The following PTTG1IP variants were observed in gnomAD, a reference collection of about 807,000 sequenced individuals.
PTTG1IP encodes the protein pituitary tumor-transforming gene 1 protein-interacting protein.
In PTTG1IP, 16 loss-of-function variants were observed where a neutral mutation model predicts 24.4. The ratio of observed to expected loss-of-function variants is 0.66; its 90% confidence interval spans 0.44 to 1.00. The LOEUF is 1.00. PTTG1IP is among the 50% of genes least tolerant of loss of function. The probability of loss-of-function intolerance (pLI) is 0.00; values close to 1 mark genes in which losing one functional copy is unlikely to be tolerated. For missense variants in PTTG1IP, 241 were observed against 245.8 expected, an observed-to-expected ratio of 0.98 and a Z score of 0.13; for synonymous variants, 89 against 96.8, an observed-to-expected ratio of 0.92 and a Z score of 0.47.
intron 2 of PTTG1IP, 123 bp downstream of exon 2, chr21:44,865,272 C>T: frequency 1.1e-6 from 1 of 942,978 alleles, no homozygotes; most frequent in Non-Finnish European, 1.7e-6. Flanking sequence ...CAAAAAACAT[C>T]CCCCCAAATC....
chr21:44,855,062 C>T, intron 5 of PTTG1IP, 148 bp downstream of exon 5: 5 of 768,422 alleles, frequency 6.5e-6, no homozygotes, highest in Non-Finnish European at 1.1e-5. Context: ...TGGGGACAAC[C>T]GCCAGCTGCT....
rs1165364352 is a variant in PTTG1IP, at chr21:44,851,500, T to C, written c.*81A>G. 6.2e-7 allele frequency: 1 copy of C among 1,613,768 alleles called. No individual in the cohort carries two copies. Among genetic ancestry groups the C allele is most frequent in the South Asian group, 1.1e-5 (1 of 91,084 alleles). ...ACTGGCCAAGGTCAGGAGACCGCAA[T>C]GGCCACGTGGTCTCCCGGCTGGGCT... On this transcript the variant is annotated 3_prime_UTR_variant, in exon 6 of 6. Coordinates refer to ENST00000330938, the MANE Select transcript of PTTG1IP (RefSeq NM_004339.4).
At chr21:44,853,671 T>C (rs1426305092) in intron 5 of PTTG1IP, among the ~76,000 whole-genome samples, 1 of 152,046 alleles carries the variant, frequency 6.6e-6, no homozygotes, top group Admixed American at 6.5e-5. Context: ...TGCTGCTCCT[T>C]ATGACAGTCA....
chr21:44,853,008 T>C (rs2083421856), intron 5 of PTTG1IP, among the ~76,000 whole-genome samples: 1 of 152,140 alleles, frequency 6.6e-6, no homozygotes, highest in Non-Finnish European at 1.5e-5. Context: ...AAATGGCAAG[T>C]GCAAGTCAAT....
At chr21:44,852,147 G>GAAACACACACAC (rs1300983603) in intron 5 of PTTG1IP, among the ~76,000 whole-genome samples, 1 of 151,994 alleles carries the variant, frequency 6.6e-6, no homozygotes, top group Non-Finnish European at 1.5e-5. Flanking sequence ...TCACACTGCA[G>GAAACACACACAC]AAACACACAC....
At chr21:44,859,872 G>A (rs568413971) in intron 3 of PTTG1IP, among the ~76,000 whole-genome samples, 2 of 152,094 alleles carry the variant, frequency 1.3e-5, no homozygotes, top group Non-Finnish European at 2.9e-5. Context: ...TTAGAAGAGT[G>A]GTAAGTAAGA....
intron 2 of PTTG1IP, among the ~76,000 whole-genome samples, chr21:44,865,088 C>T (rs1460112016): frequency 6.6e-6 from 1 of 152,190 alleles, no homozygotes; most frequent in Admixed American, 6.5e-5. Context: ...TGTAGCTTTG[C>T]GGACAGCCAA....
chr21:44,866,374 A>AACAC lies in PTTG1IP; in HGVS notation c.116-931_116-928dup, dbSNP rs761076398. 1.3e-3 allele frequency among the ~76,000 whole-genome samples: 57 copies of AACAC among 44,758 alleles called. 11 individuals carry two copies. The highest frequency in any genetic ancestry group is 0.01 in the African/African-American group (49 of 4,714). The allele number at this position is 44,758 out of a possible 152,430, so 29.4% of individuals were successfully genotyped here. A position where few individuals can be genotyped will look rare whatever the true frequency, so the allele number is the denominator to read the frequency against. ...CACAGACTGCCTACTCCAATCCCAT[A>AACAC]ACACACACACACACACACACACACA... On this transcript the variant is annotated intron_variant, in intron 1 of 5. Coordinates refer to ENST00000330938, the MANE Select transcript of PTTG1IP (RefSeq NM_004339.4).
intron 2 of PTTG1IP, chr21:44,861,813 C>A (rs1274340584): frequency 2.8e-6 from 2 of 717,428 alleles, no homozygotes; most frequent in Non-Finnish European, 5.2e-6. Context: ...CCCAAGAACA[C>A]AGGACACAGC....
chr21:44,868,085 A>C (rs2083556706), intron 1 of PTTG1IP, among the ~76,000 whole-genome samples: 2 of 152,250 alleles, frequency 1.3e-5, no homozygotes, highest in South Asian at 4.1e-4. Context: ...AGATACTTGA[A>C]ACAACAGGCT....
chr21:44,872,290 A>G (rs2083593026), intron 1 of PTTG1IP, among the ~76,000 whole-genome samples: 2 of 152,224 alleles, frequency 1.3e-5, no homozygotes, highest in Non-Finnish European at 2.9e-5. Context: ...ACAAACCCTA[A>G]GCACACTTGG....
chr21:44,856,391 G>A (rs1276312133), intron 3 of PTTG1IP, 27 bp from the exon 4 acceptor site: 5 of 1,591,406 alleles, frequency 3.1e-6, no homozygotes. Context: ...CTGGAGTTAG[G>A]GCCGCCCCAG....
intron 3 of PTTG1IP, among the ~76,000 whole-genome samples, chr21:44,860,097 A>G (rs1025621027): frequency 1.3e-5 from 2 of 152,216 alleles, no homozygotes; most frequent in African/African-American, 2.4e-5. Context: ...GGCTGGGCGC[A>G]GTGGCTCACG....
In PTTG1IP at chr21:44,856,366, T is replaced by G. The variant is rs777613732; in HGVS notation, c.278-2A>C. The G allele has an allele frequency of 5.0e-6, 8 of 1,608,762 alleles. No individual in the cohort carries two copies. Among genetic ancestry groups the G allele is most frequent in the Non-Finnish European group, 6.8e-6 (8 of 1,176,436 alleles). On this transcript the variant is annotated splice_acceptor_variant, in intron 3 of 5. Coordinates refer to ENST00000330938, the MANE Select transcript of PTTG1IP (RefSeq NM_004339.4). LOFTEE classifies it high-confidence loss of function. Reference sequence around the variant, plus strand: ...TGATGATCAGCGCCTCAAAGTTCACTGGAGATTCAAGCACCTGGAGTTAGG... The same window carrying G: ...TGATGATCAGCGCCTCAAAGTTCACGGGAGATTCAAGCACCTGGAGTTAGG...
intron 1 of PTTG1IP, among the ~76,000 whole-genome samples, chr21:44,869,912 CTTCT>C (rs541733183): frequency 7.7e-4 from 117 of 152,292 alleles, no homozygotes; most frequent in African/African-American, 1.9e-3. Flanking sequence ...ATTTTTAAAG[CTTCT>C]TTCTGATAAC....
chr21:44,866,555 AACAC>A (rs200176468), intron 1 of PTTG1IP, among the ~76,000 whole-genome samples: 2 of 117,676 alleles, frequency 1.7e-5, no homozygotes, highest in African/African-American at 6.5e-5. Context: ...CCAATCCCGT[AACAC>A]ACACACAGAC....
chr21:44,851,704 G>T, intron 5 of PTTG1IP, 77 bp from the exon 6 acceptor site: 1 of 1,482,800 alleles, frequency 6.7e-7, no homozygotes, highest in Non-Finnish European at 9.1e-7. Flanking sequence ...TACAAACCAA[G>T]CTTTATAAGA....
At chr21:44,860,858 C>A (rs901170365) in intron 3 of PTTG1IP, among the ~76,000 whole-genome samples, 2 of 152,126 alleles carry the variant, frequency 1.3e-5, no homozygotes, top group African/African-American at 2.4e-5. Flanking sequence ...GGCTGGAGTG[C>A]AGTGGCACGA....
intron 1 of PTTG1IP, among the ~76,000 whole-genome samples, chr21:44,869,322 C>T (rs985614077): frequency 1.3e-5 from 2 of 152,192 alleles, no homozygotes; most frequent in Non-Finnish European, 2.9e-5. Flanking sequence ...ATATAAATTT[C>T]AGTTATGAAG....
Sources: allele counts gnomAD v4.1 joint callset (sites outside exome capture counted in the v4.1 genomes callset), GRCh38; gene constraint gnomAD v4.1.1; transcripts MANE v1.5; gene names NCBI Gene and HGNC (gene_info 2026-07-23, HGNC 2026-07-21).